PTPRM: variants seen among roughly 807,000 people sequenced by gnomAD.
PTPRM encodes the protein protein tyrosine phosphatase receptor type M, also known as receptor-type tyrosine-protein phosphatase mu.
Under a neutral mutation model 186.7 loss-of-function variants are expected in PTPRM, and 47 were observed. The observed-to-expected ratio is 0.25, with a 90% CI of 0.20 to 0.32. The LOEUF (loss-of-function observed/expected upper bound fraction) is 0.32, where lower values mean the gene tolerates loss of function less well. Among genes scored for constraint, PTPRM ranks in the 10% least tolerant of loss-of-function variants. The pLI is 1.00. For missense variants in PTPRM, 1,494 were observed against 1,865.0 expected (o/e 0.80, Z 3.66); for synonymous variants, 668 against 674.9 (o/e 0.99, Z 0.16).
intron 1 of PTPRM, among the ~76,000 whole-genome samples, chr18:7,676,469 C>T (rs2039338458): frequency 6.6e-6 from 1 of 152,126 alleles, no homozygotes; most frequent in Non-Finnish European, 1.5e-5. Flanking sequence ...AAAGGAGCAG[C>T]ATGAAGCCAA....
At chr18:8,234,386 C>T (rs1311348810) in intron 14 of PTPRM, among the ~76,000 whole-genome samples, 2 of 152,120 alleles carry the variant, frequency 1.3e-5, no homozygotes, top group Non-Finnish European at 2.9e-5. Flanking sequence ...TACAGTTGCT[C>T]ATTGCTGGTA....
In PTPRM at chr18:7,955,173, C is replaced by T. The variant is rs1193751717; in HGVS notation, c.891C>T (p.Tyr297=). The T allele has an allele frequency of 1.9e-6, 3 of 1,614,102 alleles. No homozygotes were observed. Among genetic ancestry groups the T allele is most frequent in the Non-Finnish European group, 1.7e-6 (2 of 1,179,938 alleles). ...AGCTCGCCTCTGTAGGAGCCACCTA[C>T]CTGTGGATACAGCTCAACGCCAACT... ...PPQLASVGAT[Y]LWIQLNANSI... Residue 297 remains tyrosine (Y), a synonymous_variant, in exon 7 of 33, where the codon TAC becomes TAT. Coordinates refer to ENST00000580170, the MANE Select transcript of PTPRM (RefSeq NM_001105244.2).
chr18:7,840,388 CAT>C (rs1489660781), intron 2 of PTPRM, among the ~76,000 whole-genome samples: 1 of 152,162 alleles, frequency 6.6e-6, no homozygotes, highest in Non-Finnish European at 1.5e-5. Flanking sequence ...TTGGAGGACA[CAT>C]ATAGACATAA....
At chr18:7,973,420 A>G (rs989789435) in intron 7 of PTPRM, among the ~76,000 whole-genome samples, 14 of 152,200 alleles carry the variant, frequency 9.2e-5, no homozygotes. Context: ...TTAAAACTTA[A>G]AAAATCAATT....
In PTPRM at chr18:8,170,476, A is replaced by G. The variant is rs566180714; in HGVS notation, c.2300+26697A>G. 1.5e-3 allele frequency among the ~76,000 whole-genome samples: 234 copies of G among 151,194 alleles called. 1 individual carries two copies. The highest frequency in any genetic ancestry group is 5.3e-3 in the African/African-American group (219 of 40,980). On this transcript the variant is annotated intron_variant, in intron 14 of 32. Coordinates refer to ENST00000580170, the MANE Select transcript of PTPRM (RefSeq NM_001105244.2). ...TCTCTCTGTGCAACAAGCACTTAAC[A>G]TTGTACTTGCTCAAGGGTTAAAAAA...
chr18:8,287,829 A>G (rs1465562040), intron 19 of PTPRM, among the ~76,000 whole-genome samples: 2 of 152,344 alleles, frequency 1.3e-5, no homozygotes, highest in Admixed American at 6.5e-5. Context: ...TAAGCCTAGC[A>G]TGACTTATAG....
intron 11 of PTPRM, among the ~76,000 whole-genome samples, chr18:8,096,484 A>C (rs1035300250): frequency 6.6e-6 from 1 of 152,186 alleles, no homozygotes; most frequent in Non-Finnish European, 1.5e-5. Context: ...ATTAAAGTCT[A>C]CTTCATTTTC....
chr18:7,968,100 C>G (rs1236094867), intron 7 of PTPRM, among the ~76,000 whole-genome samples: 2 of 106,616 alleles, frequency 1.9e-5, no homozygotes, highest in Non-Finnish European at 3.8e-5. Flanking sequence ...AGACTAACAG[C>G]AGATCTCTCG....
chr18:7,743,056 C>A (rs149939572), intron 1 of PTPRM, among the ~76,000 whole-genome samples: 90 of 152,274 alleles, frequency 5.9e-4, no homozygotes, highest in African/African-American at 2.1e-3. Flanking sequence ...ATGGCTGCCA[C>A]CTAACCATTA....
At chr18:7,876,454 A>G (rs1191594421) in intron 2 of PTPRM, among the ~76,000 whole-genome samples, 1 of 152,210 alleles carries the variant, frequency 6.6e-6, no homozygotes, top group African/African-American at 2.4e-5. Context: ...TCTTAAAACA[A>G]CACTCATAGC....
intron 19 of PTPRM, among the ~76,000 whole-genome samples, chr18:8,255,741 A>G (rs1207677691): frequency 6.6e-6 from 1 of 152,222 alleles, no homozygotes; most frequent in Non-Finnish European, 1.5e-5. Flanking sequence ...GTTAGGAATA[A>G]TCCCGTCACT....
intron 14 of PTPRM, among the ~76,000 whole-genome samples, chr18:8,237,647 T>C (rs1266444092): frequency 6.6e-6 from 1 of 151,970 alleles, no homozygotes; most frequent in African/African-American, 2.4e-5. Context: ...GGTTTCACCA[T>C]GTTGGTTAGG....
chr18:8,140,407 A>C (rs574807368), intron 13 of PTPRM, among the ~76,000 whole-genome samples: 8 of 149,642 alleles, frequency 5.3e-5, no homozygotes, highest in African/African-American at 2.0e-4. Context: ...CCAGCTAAAT[A>C]CTGCATTGGT....
At chr18:7,913,598 A>G (rs191184960) in intron 4 of PTPRM, among the ~76,000 whole-genome samples, 2 of 152,254 alleles carry the variant, frequency 1.3e-5, no homozygotes, top group East Asian at 3.9e-4. Flanking sequence ...TCCATCCTAT[A>G]TTCTGGCATA....
intron 22 of PTPRM, among the ~76,000 whole-genome samples, chr18:8,337,965 A>G (rs1475581124): frequency 6.6e-6 from 1 of 152,226 alleles, no homozygotes; most frequent in Non-Finnish European, 1.5e-5. Context: ...GTCTTCATAG[A>G]TGAGCCCTGG....
At chr18:7,601,670 G>A (rs569976106) in intron 1 of PTPRM, among the ~76,000 whole-genome samples, 1 of 152,284 alleles carries the variant, frequency 6.6e-6, no homozygotes, top group African/African-American at 2.4e-5. Context: ...AATAATCCAG[G>A]ATTATCTCCA....
intron 1 of PTPRM, among the ~76,000 whole-genome samples, chr18:7,643,944 G>A (rs1282487765): frequency 6.6e-6 from 1 of 151,944 alleles, no homozygotes; most frequent in Non-Finnish European, 1.5e-5. Flanking sequence ...TTTAAAAAAA[G>A]GTTTAAAGGG....
At chr18:8,325,251 A>G (rs2095368607) in intron 22 of PTPRM, among the ~76,000 whole-genome samples, 1 of 152,152 alleles carries the variant, frequency 6.6e-6, no homozygotes, top group Admixed American at 6.5e-5. Context: ...TGTACAGATT[A>G]TTTTGTCACC....
chr18:8,035,906 A>G (rs1348203227), intron 7 of PTPRM, among the ~76,000 whole-genome samples: 1 of 152,210 alleles, frequency 6.6e-6, no homozygotes, highest in East Asian at 1.9e-4. Context: ...TAAGGAAATA[A>G]GCTACTTGAA....
Sources: allele counts gnomAD v4.1 joint callset (sites outside exome capture counted in the v4.1 genomes callset), GRCh38; gene constraint gnomAD v4.1.1; transcripts MANE v1.5; gene names NCBI Gene and HGNC (gene_info 2026-07-23, HGNC 2026-07-21).